CNTN5: variants seen among roughly 807,000 people sequenced by gnomAD.
The protein encoded by CNTN5 is contactin 5.
In CNTN5, 77 loss-of-function variants were observed where a neutral mutation model predicts 129.1. The observed-to-expected ratio is 0.60, with a 90% CI of 0.50 to 0.72. The LOEUF (loss-of-function observed/expected upper bound fraction) is 0.72, where lower values mean the gene tolerates loss of function less well. Among genes scored for constraint, CNTN5 ranks in the 30% least tolerant of loss-of-function variants. CNTN5 has a pLI of 0.00. For missense variants in CNTN5, 1,478 were observed against 1,328.8 expected (o/e 1.11, Z -1.75); for synonymous variants, 509 against 465.6 (o/e 1.09, Z -1.20).
chr11:99,842,765 A>C (rs1947553127), intron 4 of CNTN5, among the ~76,000 whole-genome samples: 1 of 152,082 alleles, frequency 6.6e-6, no homozygotes, highest in Non-Finnish European at 1.5e-5. Context: ...TTTTTTATAA[A>C]CTCATAATGC....
At chr11:99,157,977 C>G (rs1860415642) in intron 1 of CNTN5, among the ~76,000 whole-genome samples, 1 of 152,046 alleles carries the variant, frequency 6.6e-6, no homozygotes, top group Non-Finnish European at 1.5e-5. Context: ...GGAAAGCTTT[C>G]TATGTATTTA....
chr11:99,685,480 C>T (rs77960032), intron 3 of CNTN5, among the ~76,000 whole-genome samples: 6,731 of 151,858 alleles, frequency 0.044, 490 homozygotes, highest in African/African-American at 0.15. Context: ...CTGTTGTTGT[C>T]AATTTATCTA....
intron 1 of CNTN5, among the ~76,000 whole-genome samples, chr11:99,240,233 A>T (rs1174162792): frequency 6.6e-6 from 1 of 152,066 alleles, no homozygotes; most frequent in Non-Finnish European, 1.5e-5. Flanking sequence ...ATTTCATAGG[A>T]TTTTGATCCT....
chr11:100,070,489 G>C lies in CNTN5; in HGVS notation c.1228G>C (p.Glu410Gln), dbSNP rs920470927. Residue 410 changes from glutamate to glutamine, a missense_variant, in exon 11 of 25, where the codon GAA becomes CAA. Physicochemically the swap from Glu to Gln is conservative, Grantham distance 29 (BLOSUM62 2). Coordinates refer to ENST00000524871, the MANE Select transcript of CNTN5 (RefSeq NM_014361.4). ...QLDSGSPLRW[E>Q]CKATGKPRPT... ...AGACAGTGGGAGCCCTCTCCGATGG[G>C]AATGTAAGGCTACTGGAAAACCCAG... 8.1e-6 allele frequency: 13 copies of C among 1,612,970 alleles called. No homozygotes were observed. Among genetic ancestry groups the C allele is most frequent in the Non-Finnish European group, 1.1e-5 (13 of 1,179,396 alleles).
At chr11:100,062,518 C>A (rs765109913) in intron 10 of CNTN5, among the ~76,000 whole-genome samples, 1 of 152,128 alleles carries the variant, frequency 6.6e-6, no homozygotes, top group Non-Finnish European at 1.5e-5. Context: ...GCAATAGAGC[C>A]TTGAAGTAAC....
At chr11:99,142,217 C>A (rs1859553431) in intron 1 of CNTN5, among the ~76,000 whole-genome samples, 1 of 152,084 alleles carries the variant, frequency 6.6e-6, no homozygotes, top group East Asian at 1.9e-4. Context: ...AGTCCCCTGG[C>A]AACAATACTT....
At chr11:99,333,940 T>C (rs1866108214) in intron 2 of CNTN5, among the ~76,000 whole-genome samples, 1 of 147,312 alleles carries the variant, frequency 6.8e-6, no homozygotes, top group Non-Finnish European at 1.5e-5. Flanking sequence ...AATATAGTGA[T>C]TATCAACTCA....
At chr11:99,839,801 G>C (rs1028844034) in intron 4 of CNTN5, among the ~76,000 whole-genome samples, 1 of 152,028 alleles carries the variant, frequency 6.6e-6, no homozygotes, top group African/African-American at 2.4e-5. Context: ...TAGTAATACA[G>C]CAACCAAACT....
rs141529870 is a variant in CNTN5, at chr11:99,766,787, C to G, written c.56-52757C>G. On this transcript the variant is annotated intron_variant, in intron 3 of 24. Transcript: ENST00000524871. Reference sequence around the variant, plus strand: ...TTTTAACAAGCATTTTAAAAACTTGCATTTGTTAATTATTTTCAAATATAA... The same window carrying G: ...TTTTAACAAGCATTTTAAAAACTTGGATTTGTTAATTATTTTCAAATATAA... Among the ~76,000 whole-genome samples, 23 of 152,052 alleles carry G rather than the reference C, an allele frequency of 1.5e-4. No homozygotes were observed. The East Asian group carries it at 4.3e-3, about 28-fold the overall frequency.
Position 99,972,859 on chromosome 11 carries a change from C to T in CNTN5, c.877+15850C>T, listed in dbSNP as rs117970712. Among the ~76,000 whole-genome samples, 59 of 152,218 alleles carry T rather than the reference C, an allele frequency of 3.9e-4. No individual in the cohort carries two copies. In the East Asian group the frequency reaches 0.011, roughly 28 times the overall value. ...TCACCCCATATATCTTAGGAATCTG[C>T]ATTTTCCACAGTACTCCCAGATATT... On this transcript the variant is annotated intron_variant, in intron 8 of 24. Coordinates refer to ENST00000524871, the MANE Select transcript of CNTN5 (RefSeq NM_014361.4).
chr11:99,656,575 G>A (rs867083476), intron 3 of CNTN5, among the ~76,000 whole-genome samples: 2 of 152,252 alleles, frequency 1.3e-5, no homozygotes, highest in African/African-American at 4.8e-5. Context: ...CCATGCACTA[G>A]TTAATGGACC....
chr11:99,771,041 G>C (rs1306361336), intron 3 of CNTN5, among the ~76,000 whole-genome samples: 3 of 152,052 alleles, frequency 2.0e-5, no homozygotes, highest in Non-Finnish European at 4.4e-5. Flanking sequence ...ATATAGAATG[G>C]AGAAAGGATA....
rs141276256 is a variant in CNTN5, at chr11:99,362,288, G to A, written c.-71+36804G>A. On this transcript the variant is annotated intron_variant, in intron 2 of 24. Coordinates refer to ENST00000524871, the MANE Select transcript of CNTN5 (RefSeq NM_014361.4). ...TGATTATTTACATATACTCTCTGAA[G>A]AAATGTCTGTTCAAGTCCTTTGCCC... Among the ~76,000 whole-genome samples, 235 of 152,074 alleles carry A rather than the reference G, an allele frequency of 1.5e-3. 7 individuals are homozygous for A. In the East Asian group the frequency reaches 0.035, roughly 23 times the overall value.
intron 2 of CNTN5, among the ~76,000 whole-genome samples, chr11:99,328,044 A>G (rs1220739267): frequency 6.6e-6 from 1 of 152,242 alleles, no homozygotes; most frequent in Non-Finnish European, 1.5e-5. Context: ...CTTAGAGAGT[A>G]TTACAGTTGA....
chr11:99,877,519 A>T (rs1433588266), intron 6 of CNTN5, among the ~76,000 whole-genome samples: 1 of 152,196 alleles, frequency 6.6e-6, no homozygotes, highest in Non-Finnish European at 1.5e-5. Context: ...AGCATTAAAA[A>T]ATCTAAACAC....
intron 13 of CNTN5, among the ~76,000 whole-genome samples, chr11:100,159,849 A>G (rs999413599): frequency 6.6e-6 from 1 of 151,944 alleles, no homozygotes; most frequent in Non-Finnish European, 1.5e-5. Flanking sequence ...ATTGATAGGC[A>G]GTTCCCATGG....
At chr11:99,817,354 G>A (rs1248743536) in intron 3 of CNTN5, among the ~76,000 whole-genome samples, 1 of 152,164 alleles carries the variant, frequency 6.6e-6, no homozygotes, top group East Asian at 1.9e-4. Context: ...GGCGTAGTGC[G>A]CTTAGCCAAA....
At chr11:99,646,994 A>C (rs1045026687) in intron 3 of CNTN5, among the ~76,000 whole-genome samples, 3 of 151,622 alleles carry the variant, frequency 2.0e-5, no homozygotes, top group African/African-American at 7.3e-5. Context: ...TTGTCTTTTT[A>C]CTCTTGTTTC....
intron 6 of CNTN5, among the ~76,000 whole-genome samples, chr11:99,867,332 C>G (rs1948383896): frequency 6.6e-6 from 1 of 152,174 alleles, no homozygotes. Context: ...TGGATTCTAT[C>G]ATAAGAACCA....
Sources: gnomAD v4.1 joint callset for allele counts (sites outside exome capture counted in the v4.1 genomes callset) on GRCh38, gnomAD v4.1.1 for gene constraint, MANE v1.5 for transcripts, NCBI Gene and HGNC (gene_info 2026-07-23, HGNC 2026-07-21) for gene names.